NCKAP5: variants seen among roughly 807,000 people sequenced by gnomAD.
NCKAP5 encodes NCK associated protein 5.
NCKAP5 carries 92 observed loss-of-function variants against 167.0 expected under a neutral mutation model. The observed-to-expected ratio is 0.55, with a 90% CI of 0.47 to 0.66. The LOEUF (loss-of-function observed/expected upper bound fraction) is 0.66, where lower values mean the gene tolerates loss of function less well. Ranked by LOEUF, NCKAP5 falls within the 30% of genes least tolerant of loss-of-function variation. NCKAP5 has a pLI of 0.00. For synonymous variants in NCKAP5, 891 were observed against 877.4 expected (o/e 1.02, Z -0.27); for missense variants, 2,378 against 2,315.0 (o/e 1.03, Z -0.56).
intron 6 of NCKAP5, among the ~76,000 whole-genome samples, chr2:133,032,355 G>C (rs915332402): frequency 6.6e-6 from 1 of 152,224 alleles, no homozygotes; most frequent in African/African-American, 2.4e-5. Context: ...ATGGCAGTGG[G>C]TATGGGTGAG....
intron 2 of NCKAP5, among the ~76,000 whole-genome samples, chr2:133,535,385 C>A (rs577678179): frequency 1.1e-4 from 16 of 151,834 alleles, no homozygotes; most frequent in South Asian, 2.1e-4. Flanking sequence ...TGAGAACATA[C>A]GATATTTGAT....
At chr2:133,352,974 T>C (rs1335674387) in intron 3 of NCKAP5, among the ~76,000 whole-genome samples, 1 of 152,348 alleles carries the variant, frequency 6.6e-6, no homozygotes, top group African/African-American at 2.4e-5. Flanking sequence ...ACTCCACAGC[T>C]CTTTTGCCAA....
intron 6 of NCKAP5, among the ~76,000 whole-genome samples, chr2:133,040,356 T>A (rs1011280549): frequency 3.3e-5 from 5 of 152,150 alleles, no homozygotes; most frequent in Non-Finnish European, 1.5e-5. Context: ...ACCTAATACT[T>A]CTCTAGTATT....
the NCKAP5 span, among the ~76,000 whole-genome samples, chr2:133,625,788 C>A: frequency 6.7e-6 from 1 of 149,652 alleles, no homozygotes; most frequent in African/African-American, 2.5e-5. Context: ...AGGAGAATGG[C>A]GTGAACCTGG....
chr2:133,584,996 G>GGAAGGAA, the NCKAP5 span, among the ~76,000 whole-genome samples: 108 of 82,966 alleles, frequency 1.3e-3, 2 homozygotes, highest in East Asian at 0.025. Flanking sequence ...GAAGGAAGGA[G>GGAAGGAA]GGAAAGAAAG....
the NCKAP5 span, among the ~76,000 whole-genome samples, chr2:133,655,107 A>G: frequency 6.6e-6 from 1 of 152,290 alleles, no homozygotes; most frequent in Non-Finnish European, 1.5e-5. Context: ...TAGTGACATC[A>G]TGGCAATTTT....
rs187561520 is a variant in NCKAP5, at chr2:133,342,095, T to C, written c.70-38985A>G. Among the ~76,000 whole-genome samples the C allele has an allele frequency of 1.9e-3, 294 of 152,220 alleles. 1 individual carries two copies. The highest frequency in any genetic ancestry group is 6.8e-3 in the African/African-American group (281 of 41,536). On this transcript the variant is annotated intron_variant, in intron 3 of 19. Transcript: ENST00000409261. ...CTGGGACTACAGGTGCCCGCCACCA[T>C]GCCCAGCTAATTTTTTTGTATTTTT...
At chr2:132,778,016 G>A (rs1427546875) in intron 15 of NCKAP5, among the ~76,000 whole-genome samples, 1 of 152,046 alleles carries the variant, frequency 6.6e-6, no homozygotes, top group Non-Finnish European at 1.5e-5. Flanking sequence ...TTAAATAGGA[G>A]CCTAGAGCTG....
rs139706121 is a variant in NCKAP5, at chr2:133,252,525, T to C, written c.144-38746A>G. 4.0e-3 allele frequency among the ~76,000 whole-genome samples: 604 copies of C among 152,286 alleles called. 4 individuals carry two copies. Among genetic ancestry groups the C allele is most frequent in the African/African-American group, 0.014 (575 of 41,576 alleles). ...CCTCAGCAGCACAGGGACTGTCAGATCAGACCACGAGAGGTCTTTGCGTAC... is the reference window on the plus strand; with the variant it reads ...CCTCAGCAGCACAGGGACTGTCAGACCAGACCACGAGAGGTCTTTGCGTAC... On this transcript the variant is annotated intron_variant, in intron 4 of 19. Coordinates refer to ENST00000409261, the MANE Select transcript of NCKAP5 (RefSeq NM_207363.3).
At chr2:133,663,793 T>G in the NCKAP5 span, among the ~76,000 whole-genome samples, 1 of 152,152 alleles carries the variant, frequency 6.6e-6, no homozygotes, top group South Asian at 2.1e-4. Context: ...CCCCTCAAAG[T>G]CATCCATGAA....
chr2:133,040,905 G>C lies in NCKAP5; in HGVS notation c.342-46666C>G, dbSNP rs564822420. 5.9e-5 allele frequency among the ~76,000 whole-genome samples: 9 copies of C among 152,224 alleles called. No individual in the cohort carries two copies. The South Asian group carries it at 1.9e-3, about 32-fold the overall frequency. On this transcript the variant is annotated intron_variant, in intron 6 of 19. Transcript: ENST00000409261. ...GCATGCAATTTCTCTTCTTTCTCCA[G>C]GTCATGCAAAATTAATTAAAAGTTA...
intron 3 of NCKAP5, among the ~76,000 whole-genome samples, chr2:133,507,129 G>A (rs578215736): frequency 6.6e-4 from 101 of 152,274 alleles, no homozygotes; most frequent in Non-Finnish European, 1.1e-3. Context: ...CTGTCTAGTT[G>A]GTGCCTTCAC....
chr2:132,767,785 C>G (rs1681644708), intron 16 of NCKAP5, among the ~76,000 whole-genome samples: 1 of 152,234 alleles, frequency 6.6e-6, no homozygotes, highest in Non-Finnish European at 1.5e-5. Context: ...TATTGTCCCT[C>G]TGCATGATAC....
intron 2 of NCKAP5, among the ~76,000 whole-genome samples, chr2:133,547,408 C>T (rs1686823746): frequency 6.6e-6 from 1 of 152,018 alleles, no homozygotes; most frequent in Non-Finnish European, 1.5e-5. Flanking sequence ...CCTCTGTAGG[C>T]TCCACCTCTG....
chr2:133,350,221 G>A (rs2150811838), intron 3 of NCKAP5, among the ~76,000 whole-genome samples: 2 of 152,164 alleles, frequency 1.3e-5, no homozygotes, highest in African/African-American at 4.8e-5. Context: ...AGATAAGTGT[G>A]GGCAACATAG....
At chr2:133,313,835 C>T (rs1377821072) in intron 3 of NCKAP5, among the ~76,000 whole-genome samples, 1 of 152,134 alleles carries the variant, frequency 6.6e-6, no homozygotes, top group Non-Finnish European at 1.5e-5. Context: ...TGGAGAAACA[C>T]TGGTAGAGCC....
chr2:132,860,752 C>A, intron 10 of NCKAP5, 141 bp from the exon 11 acceptor site: 1 of 1,126,486 alleles, frequency 8.9e-7, no homozygotes, highest in Non-Finnish European at 1.2e-6. Flanking sequence ...AAATCACATA[C>A]GTTTTCGTCC....
At chr2:132,746,084 C>T (rs1679618285) in intron 16 of NCKAP5, among the ~76,000 whole-genome samples, 1 of 151,700 alleles carries the variant, frequency 6.6e-6, no homozygotes, top group Non-Finnish European at 1.5e-5. Context: ...CACATTGATT[C>T]TAAAATTATG....
rs1381211162 is a variant in NCKAP5 at position 132,782,182 on chromosome 2, T to C, written c.4629A>G (p.Gly1543=). The C allele has an allele frequency of 1.2e-6, 2 of 1,611,742 alleles. No individual in the cohort carries two copies. The highest frequency in any genetic ancestry group is 4.5e-5 in the East Asian group (2 of 44,894). ...TTCTTTCTGATTTTAGTTGTCTGTTTCCAAACCCCAAGACTTTTGCATCTT... is the reference window on the plus strand; with the variant it reads ...TTCTTTCTGATTTTAGTTGTCTGTTCCCAAACCCCAAGACTTTTGCATCTT... The part of the protein sequence containing the change: ...EKKDAKVLGF[G]NRQLKSERKK... The change falls in exon 14 of 20, where the codon GGA becomes GGG. Residue 1543 remains glycine, a synonymous_variant. Transcript: ENST00000409261.
Sources: gnomAD v4.1 joint callset for allele counts (sites outside exome capture counted in the v4.1 genomes callset) on GRCh38, gnomAD v4.1.1 for gene constraint, MANE v1.5 for transcripts, NCBI Gene and HGNC (gene_info 2026-07-23, HGNC 2026-07-21) for gene names.